Variants in GBP4 observed in about 807,000 individuals in gnomAD.
The protein encoded by GBP4 is guanylate binding protein 4.
In GBP4, 69 loss-of-function variants were observed where a neutral mutation model predicts 62.2. The observed-to-expected ratio is 1.11, with a 90% CI of 0.91 to 1.36. The LOEUF (loss-of-function observed/expected upper bound fraction) is 1.36. Among genes scored for constraint, GBP4 ranks in the 40% most tolerant of loss-of-function variants. The pLI is 0.00. For synonymous variants in GBP4, 278 were observed against 274.6 expected (o/e 1.01, Z -0.12); for missense variants, 697 against 759.3 (o/e 0.92, Z 0.96).
In GBP4 at chr1:89,197,091, G is replaced by A. The variant is rs752222085; in HGVS notation, c.235+19C>T. On this transcript the variant is annotated intron_variant, in intron 2 of 10. Transcript: ENST00000355754. ...CACTGGTTCCAAGTAAATGGCTCCT[G>A]TCCTAGGACCACACTCACCATTGCG... 6.3e-7 allele frequency: 1 copy of A among 1,598,566 alleles called. No homozygotes were observed. The highest frequency in any genetic ancestry group is 8.5e-7 in the Non-Finnish European group (1 of 1,170,750).
intron 8 of GBP4, among the ~76,000 whole-genome samples, chr1:89,187,607 A>G (rs879419054): frequency 4.6e-5 from 7 of 152,276 alleles, no homozygotes; most frequent in Middle Eastern, 6.8e-3. Flanking sequence ...CTAAAATACA[A>G]AAGGAAATCA....
chr1:89,198,432 G>C (rs960366801), intron 1 of GBP4, among the ~76,000 whole-genome samples: 2 of 151,992 alleles, frequency 1.3e-5, no homozygotes, highest in African/African-American at 4.8e-5. Context: ...TATTCTAGTG[G>C]GGGACAGAAA....
chr1:89,196,005 T>C (rs1323645939), intron 2 of GBP4, among the ~76,000 whole-genome samples: 1 of 152,228 alleles, frequency 6.6e-6, no homozygotes, highest in African/African-American at 2.4e-5. Context: ...AAATTGCATT[T>C]GAATTTTGAA....
chr1:89,187,821 A>G (rs569116863), intron 8 of GBP4, among the ~76,000 whole-genome samples: 1 of 152,358 alleles, frequency 6.6e-6, no homozygotes, highest in East Asian at 1.9e-4. Context: ...TAATTATCCA[A>G]TAGTCAAAAG....
chr1:89,186,625 G>A, intron 9 of GBP4, 99 bp from the exon 10 acceptor site: 5 of 1,060,756 alleles, frequency 4.7e-6, no homozygotes, highest in South Asian at 1.6e-5. Context: ...AAAGCACAAA[G>A]GTGAGGGATT....
At chr1:89,189,483 T>A (rs886788945) in intron 7 of GBP4, among the ~76,000 whole-genome samples, 20 of 152,226 alleles carry the variant, frequency 1.3e-4, no homozygotes, top group African/African-American at 4.6e-4. Context: ...CCTATGAATA[T>A]GATAGATACT....
rs772221139 is a variant in GBP4 at position 89,191,364 on chromosome 1, A to T, written c.813T>A (p.Asn271Lys). The T allele has an allele frequency of 1.2e-6, 2 of 1,614,166 alleles. No homozygotes were observed. The highest frequency in any genetic ancestry group is 1.7e-6 in the Non-Finnish European group (2 of 1,180,028). ...LNHMDEVPEE[N>K]LERHFLMQSD... ...ATTGCATAAGGAAATGCCTTTCCAGATTTTCTTCTGGCACTTCGTCCATAT... is the reference window on the plus strand; with the variant it reads ...ATTGCATAAGGAAATGCCTTTCCAGTTTTTCTTCTGGCACTTCGTCCATAT... Residue 271 changes from asparagine to lysine, a missense_variant, in exon 6 of 11, where the codon AAT becomes AAA. This residue lies in a region of GBP4 where 556 missense variants were observed against 562.7 expected (regional missense o/e 0.99). Transcript: ENST00000355754.
At chr1:89,193,141 A>G (rs1170922810) in intron 4 of GBP4, 41 bp from the exon 5 acceptor site, 1 of 1,592,446 alleles carries the variant, frequency 6.3e-7, no homozygotes, top group African/African-American at 1.3e-5. Flanking sequence ...CTACACCATC[A>G]TTTCCATATC....
At chr1:89,195,255 G>C (rs1283695857) in intron 3 of GBP4, 42 bp downstream of exon 3, 1 of 1,603,646 alleles carries the variant, frequency 6.2e-7, no homozygotes, top group Non-Finnish European at 8.5e-7. Flanking sequence ...AAAATTAAAA[G>C]ATGAGAGGTC....
At position 89,185,313 on chromosome 1, in the gene GBP4, G is replaced by C. The variant is rs1428277879; in HGVS notation, c.1864C>G (p.Leu622Val). The C allele has an allele frequency of 6.2e-7, 1 of 1,613,566 alleles. No individual in the cohort carries two copies. The highest frequency in any genetic ancestry group is 8.5e-7 in the Non-Finnish European group (1 of 1,179,658). ...DMASNIMIVT[L>V]PGASKLLGVG... The stretch of plus-strand genomic sequence containing the variant: ...CCAAGTAGCTTGGAAGCCCCAGGTA[G>C]AGTGACAATCATTATGTTGCTAGCC... Residue 622 changes from leucine (L) to valine (V), a missense_variant, in exon 11 of 11, where the codon CTA (leucine) becomes GTA (valine). Physicochemically the swap from Leu to Val is conservative, Grantham distance 32. Coordinates refer to ENST00000355754, the MANE Select transcript of GBP4 (RefSeq NM_052941.5).
intron 9 of GBP4, 88 bp from the exon 10 acceptor site, chr1:89,186,614 A>G: frequency 8.5e-7 from 1 of 1,182,792 alleles, no homozygotes; most frequent in Non-Finnish European, 1.2e-6. Flanking sequence ...TGACTCGGAG[A>G]AAAGCACAAA....
Position 89,183,081 on chromosome 1 carries a change from G to A in GBP4, c.*2173C>T, listed in dbSNP as rs1250616551. On this transcript the variant is annotated 3_prime_UTR_variant, in exon 11 of 11. Coordinates refer to ENST00000355754, the MANE Select transcript of GBP4 (RefSeq NM_052941.5). The stretch of plus-strand genomic sequence containing the variant: ...TTAAAATTCATATGGAACCAAAAAA[G>A]AGCCTAGCCAAGGCAATCCTAAACA... 1.3e-5 allele frequency: 2 copies of A among 152,126 alleles called. No homozygotes were observed. Among genetic ancestry groups the A allele is most frequent in the Admixed American group, 6.5e-5 (1 of 15,282 alleles). 9.4% of individuals were successfully genotyped at this position (152,126 alleles called of 1,614,324 possible).
chr1:89,191,918 A>G (rs1239125657), intron 5 of GBP4, among the ~76,000 whole-genome samples: 1 of 152,232 alleles, frequency 6.6e-6, no homozygotes, highest in Non-Finnish European at 1.5e-5. Flanking sequence ...TAGAAATAAG[A>G]AAAATATGTT....
intron 1 of GBP4, 33 bp from the exon 2 acceptor site, chr1:89,197,337 C>T (rs1337487210): frequency 1.3e-6 from 2 of 1,591,598 alleles, no homozygotes; most frequent in Non-Finnish European, 8.6e-7. Flanking sequence ...CAGTAGAATA[C>T]AAGATCTTGA....
intron 7 of GBP4, among the ~76,000 whole-genome samples, chr1:89,189,551 C>T (rs1648123952): frequency 1.3e-5 from 2 of 152,186 alleles, no homozygotes; most frequent in African/African-American, 4.8e-5. Flanking sequence ...ATGGAGTGTG[C>T]CCTGTTGGGC....
chr1:89,194,045 G>A (rs1648262243), intron 3 of GBP4, among the ~76,000 whole-genome samples: 1 of 152,208 alleles, frequency 6.6e-6, no homozygotes, highest in Non-Finnish European at 1.5e-5. Context: ...GGCATATGAA[G>A]GCAGCAGTTT....
Position 89,185,219 on chromosome 1 carries a change from C to A in GBP4, c.*35G>T. The A allele has an allele frequency of 8.0e-7, 1 of 1,244,546 alleles. No homozygotes were observed. The highest frequency in any genetic ancestry group is 1.2e-6 in the Non-Finnish European group (1 of 849,672). 77.1% of individuals were successfully genotyped at this position (1,244,546 alleles called of 1,614,324 possible). On this transcript the variant is annotated 3_prime_UTR_variant, in exon 11 of 11. Transcript: ENST00000355754. ...TATGTTATTAAAATAAAATAAACCT[C>A]ATTTTATATTTTCTTACCTGGAATA...
At chr1:89,185,605 T>C in intron 10 of GBP4, 136 bp from the exon 11 acceptor site, 1 of 602,568 alleles carries the variant, frequency 1.7e-6, no homozygotes, top group Non-Finnish European at 2.9e-6. Context: ...GATGAATTTG[T>C]GTAACATTTC....
rs1647989279 is a variant in GBP4, at chr1:89,184,897, AATCGGC to A, written c.*351_*356del. On this transcript the variant is annotated 3_prime_UTR_variant, in exon 11 of 11. Transcript: ENST00000355754. ...ATTGTGGAGCTGCTCTCTTCTCATT[AATCGGC>A]AAGAGCTAGTCATAACTGAAATTAT... 1 of 168,606 alleles carries A rather than the reference AATCGGC, an allele frequency of 5.9e-6. No individual in the cohort carries two copies. Among genetic ancestry groups the A allele is most frequent in the Admixed American group, 6.2e-5 (1 of 16,086 alleles). 10.4% of individuals were successfully genotyped at this position (168,606 alleles called of 1,614,324 possible).
Sources: allele counts gnomAD v4.1 joint callset (sites outside exome capture counted in the v4.1 genomes callset), GRCh38; gene constraint gnomAD v4.1.1; regional missense constraint gnomAD v4.1.1; transcripts MANE v1.5; gene names NCBI Gene and HGNC (gene_info 2026-07-23, HGNC 2026-07-21).